Variants in PEX5L observed in about 807,000 individuals in gnomAD.
The protein encoded by PEX5L is peroxisomal biogenesis factor 5 like.
Under a neutral mutation model 84.0 loss-of-function variants are expected in PEX5L, and 30 were observed. The observed-to-expected ratio is 0.36, with a 90% CI of 0.27 to 0.48. PEX5L has a LOEUF of 0.48. Among genes scored for constraint, PEX5L ranks in the 20% least tolerant of loss-of-function variants. PEX5L has a pLI of 0.99. For synonymous variants in PEX5L, 270 were observed against 283.1 expected, an observed-to-expected ratio of 0.95 and a Z score of 0.46; for missense variants, 533 against 754.6, an observed-to-expected ratio of 0.71 and a Z score of 3.44.
intron 1 of PEX5L, among the ~76,000 whole-genome samples, chr3:179,994,833 C>T (rs1354024666): frequency 6.6e-6 from 1 of 151,976 alleles, no homozygotes; most frequent in African/African-American, 2.4e-5. Context: ...TGGCTTAGCC[C>T]CTAGCCTACA....
chr3:179,975,154 A>G (rs1024654982), intron 1 of PEX5L, among the ~76,000 whole-genome samples: 1 of 152,132 alleles, frequency 6.6e-6, no homozygotes, highest in African/African-American at 2.4e-5. Context: ...GCACTATTGC[A>G]CTCCAGCCTG....
intron 11 of PEX5L, among the ~76,000 whole-genome samples, chr3:179,810,794 C>A (rs761200775): frequency 4.6e-5 from 7 of 152,128 alleles, no homozygotes; most frequent in Non-Finnish European, 1.0e-4. Context: ...TGGTTCCCAG[C>A]CCTGATCAAT....
intron 8 of PEX5L, among the ~76,000 whole-genome samples, chr3:179,846,967 C>T (rs1739606922): frequency 1.3e-5 from 2 of 151,956 alleles, no homozygotes; most frequent in South Asian, 4.2e-4. Flanking sequence ...GAGCCAATTC[C>T]TGATAATAAA....
intron 2 of PEX5L, among the ~76,000 whole-genome samples, chr3:179,937,288 T>C (rs1318147866): frequency 6.6e-6 from 1 of 152,190 alleles, no homozygotes; most frequent in Non-Finnish European, 1.5e-5. Flanking sequence ...CCAAGGTTGG[T>C]TCATTAGTTG....
At chr3:179,855,352 T>G (rs1356592480) in intron 8 of PEX5L, among the ~76,000 whole-genome samples, 1 of 152,220 alleles carries the variant, frequency 6.6e-6, no homozygotes, top group Non-Finnish European at 1.5e-5. Flanking sequence ...TTGCCTCTGA[T>G]GAAAGCAATC....
chr3:179,802,532 CAAAAAA>C (rs369244711), intron 14 of PEX5L, among the ~76,000 whole-genome samples: 3 of 73,890 alleles, frequency 4.1e-5, no homozygotes, highest in African/African-American at 8.4e-5. Context: ...GAGACTGTCT[CAAAAAA>C]AAAAAAAAAA....
chr3:179,837,265 G>A (rs1291711509), intron 8 of PEX5L, among the ~76,000 whole-genome samples: 3 of 152,132 alleles, frequency 2.0e-5, no homozygotes, highest in Admixed American at 6.5e-5. Context: ...AGGCCACACT[G>A]AGTTTACCAA....
chr3:179,906,365 T>G (rs1201416417), intron 2 of PEX5L, among the ~76,000 whole-genome samples: 2 of 152,238 alleles, frequency 1.3e-5, no homozygotes, highest in Non-Finnish European at 2.9e-5. Flanking sequence ...CTGATGAATG[T>G]GGTTCTAAGT....
intron 13 of PEX5L, 62 bp from the exon 14 acceptor site, chr3:179,807,893 G>C (rs370210829): frequency 6.9e-7 from 1 of 1,450,120 alleles, no homozygotes; most frequent in African/African-American, 1.4e-5. Flanking sequence ...GAGCATTCCT[G>C]TATTTCTCTG....
chr3:180,036,450 A>G (rs1791913777), intron 1 of PEX5L, 129 bp downstream of exon 1: 2 of 897,748 alleles, frequency 2.2e-6, no homozygotes, highest in Admixed American at 3.4e-5. Context: ...CAGAAATGTC[A>G]CGGTCATGTT....
At chr3:180,029,328 T>C (rs1323385717) in intron 1 of PEX5L, among the ~76,000 whole-genome samples, 5 of 152,168 alleles carry the variant, frequency 3.3e-5, no homozygotes, top group African/African-American at 1.2e-4. Context: ...CTCTGTTTGT[T>C]TGTTCTCCAA....
chr3:179,850,137 T>G (rs1056656122), intron 8 of PEX5L, among the ~76,000 whole-genome samples: 2 of 152,012 alleles, frequency 1.3e-5, no homozygotes, highest in Admixed American at 1.3e-4. Context: ...TTTTTTTTTT[T>G]GTTTTTTTGA....
intron 2 of PEX5L, among the ~76,000 whole-genome samples, chr3:179,920,546 T>C (rs1333343711): frequency 6.6e-6 from 1 of 152,186 alleles, no homozygotes; most frequent in Non-Finnish European, 1.5e-5. Context: ...AGGTGAACCT[T>C]ACGTGTTTGA....
chr3:179,908,632 T>G (rs1436556099), intron 2 of PEX5L, among the ~76,000 whole-genome samples: 1 of 122,026 alleles, frequency 8.2e-6, no homozygotes, highest in Non-Finnish European at 1.7e-5. Flanking sequence ...CCCTACTCCA[T>G]GACAAGCCCC....
chr3:179,847,634 G>A (rs1011227519), intron 8 of PEX5L, among the ~76,000 whole-genome samples: 1 of 152,100 alleles, frequency 6.6e-6, no homozygotes, highest in Non-Finnish European at 1.5e-5. Context: ...CCAATAAGCA[G>A]CTTAAGTGTT....
chr3:179,838,655 A>C (rs544307401), intron 8 of PEX5L, among the ~76,000 whole-genome samples: 3 of 152,332 alleles, frequency 2.0e-5, no homozygotes, highest in Non-Finnish European at 4.4e-5. Flanking sequence ...AACTGTTAGA[A>C]TTATTTTGAA....
intron 1 of PEX5L, among the ~76,000 whole-genome samples, chr3:179,979,689 A>G (rs924199849): frequency 6.6e-6 from 1 of 152,222 alleles, no homozygotes; most frequent in African/African-American, 2.4e-5. Context: ...GAAAAAGGTA[A>G]ATTGTGTATT....
At chr3:179,946,275 G>A in intron 2 of PEX5L, among the ~76,000 whole-genome samples, 1 of 152,182 alleles carries the variant, frequency 6.6e-6, no homozygotes, top group East Asian at 1.9e-4. Context: ...TAATTTTGGT[G>A]AGTTACAGCT....
chr3:180,001,772 C>CTTTTTTTTTTTTTTT (rs1788443007), intron 1 of PEX5L, among the ~76,000 whole-genome samples: 1 of 152,030 alleles, frequency 6.6e-6, no homozygotes, highest in Non-Finnish European at 1.5e-5. Flanking sequence ...ATAGTTTAGT[C>CTTTTTTTTTTTTTTT]TTTTCTTTTT....
Sources: allele counts gnomAD v4.1 joint callset (sites outside exome capture counted in the v4.1 genomes callset), GRCh38; gene constraint gnomAD v4.1.1; transcripts MANE v1.5; gene names NCBI Gene and HGNC (gene_info 2026-07-23, HGNC 2026-07-21).